The following MAGI1 variants were observed in gnomAD, a reference collection of about 807,000 sequenced individuals.
MAGI1 encodes membrane-associated guanylate kinase, WW and PDZ domain-containing protein 1.
In MAGI1, 58 loss-of-function variants were observed where a neutral mutation model predicts 139.9. The ratio of observed to expected loss-of-function variants is 0.41; its 90% confidence interval spans 0.34 to 0.52. MAGI1 has a LOEUF of 0.52. Ranked by LOEUF, MAGI1 falls within the 20% of genes least tolerant of loss-of-function variation. MAGI1 has a pLI of 0.12. For missense variants in MAGI1, 1,874 were observed against 1,901.6 expected, an observed-to-expected ratio of 0.99 and a Z score of 0.27; for synonymous variants, 812 against 737.9, an observed-to-expected ratio of 1.10 and a Z score of -1.63.
intron 1 of MAGI1, among the ~76,000 whole-genome samples, chr3:65,819,369 T>C (rs1226443219): frequency 6.6e-6 from 1 of 152,188 alleles, no homozygotes; most frequent in African/African-American, 2.4e-5. Flanking sequence ...TTAACTGTTT[T>C]ATCATTGCTT....
At chr3:65,681,382 A>G (rs2087580159) in intron 1 of MAGI1, among the ~76,000 whole-genome samples, 1 of 152,228 alleles carries the variant, frequency 6.6e-6, no homozygotes, top group South Asian at 2.1e-4. Flanking sequence ...CCTAAATGAC[A>G]CTGAAAGATA....
At chr3:65,983,171 G>C (rs1452427345) in intron 1 of MAGI1, among the ~76,000 whole-genome samples, 1 of 152,154 alleles carries the variant, frequency 6.6e-6, no homozygotes, top group Non-Finnish European at 1.5e-5. Context: ...TCTCAGAATA[G>C]AGGAAAAGTT....
intron 1 of MAGI1, among the ~76,000 whole-genome samples, chr3:65,792,181 C>G (rs264090): frequency 0.14 from 22,008 of 152,096 alleles, 1,944 homozygotes; most frequent in East Asian, 0.33. Flanking sequence ...TAATTAATAG[C>G]AAGCCAGAAG....
chr3:65,359,518 A>T (rs1474074633), intron 22 of MAGI1: 1 of 988,006 alleles, frequency 1.0e-6, no homozygotes, highest in Non-Finnish European at 1.2e-6. Context: ...ATCCCTTCCC[A>T]CCCCCACCAA....
At chr3:65,733,303 G>A (rs1187133169) in intron 1 of MAGI1, among the ~76,000 whole-genome samples, 3 of 151,946 alleles carry the variant, frequency 2.0e-5, no homozygotes, top group Non-Finnish European at 2.9e-5. Flanking sequence ...CAGGTGATCC[G>A]CCCACCTCAG....
intron 2 of MAGI1, chr3:65,619,882 T>G: frequency 1.0e-6 from 1 of 985,294 alleles, no homozygotes; most frequent in Non-Finnish European, 1.2e-6. Context: ...ACACCATTTC[T>G]GCTTTCCAAA....
chr3:66,033,800 C>T (rs755289468), intron 1 of MAGI1, among the ~76,000 whole-genome samples: 8 of 152,132 alleles, frequency 5.3e-5, no homozygotes, highest in Non-Finnish European at 5.9e-5. Context: ...ACAAAATTCA[C>T]CTGCAAAAAT....
intron 16 of MAGI1, chr3:65,380,807 C>T (rs1488251776): frequency 6.6e-6 from 1 of 152,144 alleles, no homozygotes; most frequent in Non-Finnish European, 1.5e-5. Flanking sequence ...CTCGTTCCAG[C>T]TGACTGCTTT....
At chr3:65,969,433 A>G (rs1466049682) in intron 1 of MAGI1, among the ~76,000 whole-genome samples, 3 of 152,290 alleles carry the variant, frequency 2.0e-5, no homozygotes, top group Middle Eastern at 6.8e-3. Context: ...AGTTGCAATA[A>G]CCAAAAATAT....
chr3:65,702,201 C>T (rs775338041), intron 1 of MAGI1, among the ~76,000 whole-genome samples: 71 of 152,132 alleles, frequency 4.7e-4, no homozygotes, highest in Non-Finnish European at 9.6e-4. Context: ...AATTTATATA[C>T]ATATATTTTT....
At chr3:65,772,362 T>C (rs2107948639) in intron 1 of MAGI1, among the ~76,000 whole-genome samples, 1 of 152,310 alleles carries the variant, frequency 6.6e-6, no homozygotes, top group East Asian at 1.9e-4. Flanking sequence ...TCTTTGTCTC[T>C]TCTGCACTGA....
intron 1 of MAGI1, among the ~76,000 whole-genome samples, chr3:65,659,934 C>T (rs2086100476): frequency 1.3e-5 from 2 of 152,102 alleles, no homozygotes; most frequent in African/African-American, 4.8e-5. Flanking sequence ...TGTGCTAAAT[C>T]AAGATCATAG....
chr3:65,467,040 T>C (rs1042604561), intron 5 of MAGI1, among the ~76,000 whole-genome samples: 1 of 152,232 alleles, frequency 6.6e-6, no homozygotes, highest in African/African-American at 2.4e-5. Context: ...ATTTCTGGGT[T>C]GCTGGCTCTT....
chr3:65,572,070 G>T (rs967810679), intron 2 of MAGI1, among the ~76,000 whole-genome samples: 13 of 152,076 alleles, frequency 8.5e-5, no homozygotes, highest in Admixed American at 7.2e-4. Context: ...GGACAATAAT[G>T]TGAAAAACGA....
At chr3:65,611,199 G>A (rs1356323622) in intron 2 of MAGI1, among the ~76,000 whole-genome samples, 2 of 139,492 alleles carry the variant, frequency 1.4e-5, no homozygotes, top group Non-Finnish European at 3.1e-5. Flanking sequence ...GTATATATGT[G>A]TGTATACACA....
chr3:65,554,790 C>T (rs2080009370), intron 2 of MAGI1, among the ~76,000 whole-genome samples: 1 of 152,096 alleles, frequency 6.6e-6, no homozygotes, highest in Non-Finnish European at 1.5e-5. Flanking sequence ...AATAACTAAC[C>T]AGAACATTTC....
intron 2 of MAGI1, among the ~76,000 whole-genome samples, chr3:65,598,767 G>C (rs1173291002): frequency 6.6e-6 from 1 of 152,132 alleles, no homozygotes; most frequent in East Asian, 1.9e-4. Flanking sequence ...GCAGATGGTT[G>C]GCAAAGCTGC....
intron 4 of MAGI1, 74 bp downstream of exon 4, chr3:65,478,518 T>C: frequency 1.4e-6 from 2 of 1,443,636 alleles, no homozygotes; most frequent in Non-Finnish European, 1.9e-6. Flanking sequence ...AGCATCCTTT[T>C]CAAAACTCTA....
chr3:65,586,667 AC>A (rs1195342114), intron 2 of MAGI1, among the ~76,000 whole-genome samples: 9 of 152,236 alleles, frequency 5.9e-5, no homozygotes, highest in African/African-American at 1.9e-4. Context: ...ACAAAGATAC[AC>A]AAAAATACTA....
Sources: allele counts gnomAD v4.1 joint callset (sites outside exome capture counted in the v4.1 genomes callset), GRCh38; gene constraint gnomAD v4.1.1; transcripts MANE v1.5; gene names NCBI Gene and HGNC (gene_info 2026-07-23, HGNC 2026-07-21).